The following RBM28 variants were observed in gnomAD, a reference collection of about 807,000 sequenced individuals.
The protein encoded by RBM28 is RNA-binding protein 28.
Under a neutral mutation model 98.3 loss-of-function variants are expected in RBM28, and 78 were observed. The ratio of observed to expected loss-of-function variants is 0.79; its 90% CI spans 0.66 to 0.96. The LOEUF is 0.96. Ranked by LOEUF, RBM28 falls within the 40% of genes least tolerant of loss-of-function variation. The probability of loss-of-function intolerance (pLI) is 0.00; values close to 1 mark genes in which losing one functional copy is unlikely to be tolerated. For missense variants in RBM28, 838 were observed against 913.0 expected (o/e 0.92, Z 1.06); for synonymous variants, 306 against 330.9 (o/e 0.92, Z 0.82).
rs1244326083 is a variant in RBM28 at position 128,310,768 on chromosome 7, C to G, written c.*29G>C. 6.2e-7 allele frequency: 1 copy of G among 1,612,930 alleles called. No individual in the cohort carries two copies. Among genetic ancestry groups the G allele is most frequent in the African/African-American group, 1.3e-5 (1 of 74,906 alleles). On this transcript the variant is annotated 3_prime_UTR_variant, in exon 19 of 19. Coordinates refer to ENST00000223073, the MANE Select transcript of RBM28 (RefSeq NM_018077.3). ...GGAGTGTCACCAGAAAGTACACAACCCAGCTTCTTACCCAGCCTGCTGCCA... is the reference window on the plus strand; with the variant it reads ...GGAGTGTCACCAGAAAGTACACAACGCAGCTTCTTACCCAGCCTGCTGCCA...
rs1795769573 is a variant in RBM28, at chr7:128,300,592, C to T, written c.*10205G>A. 3 of 152,348 alleles carry T rather than the reference C, an allele frequency of 2.0e-5. No individual in the cohort carries two copies. The South Asian group carries it at 6.2e-4, about 32-fold the overall frequency. The allele number at this position is 152,348 out of a possible 1,614,324, so 9.4% of individuals were successfully genotyped here. A position where few individuals can be genotyped will look rare whatever the true frequency, so the allele number is the denominator to read the frequency against. On this transcript the variant is annotated 3_prime_UTR_variant, in exon 19 of 19. Coordinates refer to ENST00000223073, the MANE Select transcript of RBM28 (RefSeq NM_018077.3). ...CTGACCTTGTGGTGAGGATCAAAGA[C>T]GTTAATGCCCACTAAACGCTTTCTA...
intron 4 of RBM28, 132 bp from the exon 5 acceptor site, chr7:128,338,474 C>A (rs747909433): frequency 5.1e-6 from 4 of 790,648 alleles, no homozygotes; most frequent in Non-Finnish European, 8.8e-6. Flanking sequence ...TTCCCCAAAG[C>A]AATTGCTTAC....
rs1410768252 is a variant in RBM28, at chr7:128,335,896, C to T, written c.760G>A (p.Glu254Lys). The change falls in exon 7 of 19, where the codon GAA (glutamate) becomes AAA (lysine). Residue 254 changes from glutamate to lysine, a missense_variant. Physicochemically the swap from Glu to Lys is moderately conservative, Grantham distance 56 (BLOSUM62 1). Transcript: ENST00000223073. ...DGVFDDEDEE[E>K]ENIESKVTKP... ...GTCACCTTTGATTCTATATTCTCTTCCTCTTCATCTTCATCATCAAAAACC... is the reference window on the plus strand; with the variant it reads ...GTCACCTTTGATTCTATATTCTCTTTCTCTTCATCTTCATCATCAAAAACC... 1.9e-6 allele frequency: 3 copies of T among 1,613,618 alleles called. No individual in the cohort carries two copies. Among genetic ancestry groups the T allele is most frequent in the South Asian group, 1.1e-5 (1 of 91,072 alleles).
At chr7:128,334,820 T>C (rs1056984107) in intron 8 of RBM28, among the ~76,000 whole-genome samples, 8 of 152,204 alleles carry the variant, frequency 5.3e-5, no homozygotes, top group African/African-American at 1.9e-4. Context: ...TGAGGCTAGC[T>C]AAATGAGGTC....
In RBM28 at chr7:128,321,994, G is replaced by C. The variant is rs181687663; in HGVS notation, c.1405-570C>G. Among the ~76,000 whole-genome samples the C allele has an allele frequency of 2.8e-3, 426 of 151,256 alleles. 2 individuals are homozygous for C. The highest frequency in any genetic ancestry group is 9.6e-3 in the African/African-American group (394 of 41,150). ...ACCTGGGAGCCGGAGGTTGTGGTGA[G>C]CCAGGATCGTGCCATTGCACTCCAG... is the stretch of plus-strand genomic sequence containing the variant. On this transcript the variant is annotated intron_variant, in intron 13 of 18. Transcript: ENST00000223073.
In RBM28 at chr7:128,314,622, G is replaced by A. The variant is rs952407827; in HGVS notation, c.2045+142C>T. 15 of 1,382,706 alleles carry A rather than the reference G, an allele frequency of 1.1e-5. No individual in the cohort carries two copies. In the Admixed American group the frequency reaches 1.4e-4, roughly 13 times the overall value. 85.7% of individuals were successfully genotyped at this position (1,382,706 alleles called of 1,614,324 possible). A position where few individuals can be genotyped will look rare whatever the true frequency, so the allele number is the denominator to read the frequency against. ...ATCTCTGATGGTGTTGAAGACTCGCGTGTTAACCCCATGTGTGGGAATACA... is the reference window on the plus strand; with the variant it reads ...ATCTCTGATGGTGTTGAAGACTCGCATGTTAACCCCATGTGTGGGAATACA... On this transcript the variant is annotated intron_variant, in intron 17 of 18. Coordinates refer to ENST00000223073, the MANE Select transcript of RBM28 (RefSeq NM_018077.3).
At chr7:128,330,981 C>A in intron 9 of RBM28, 53 bp from the exon 10 acceptor site, 1 of 1,201,082 alleles carries the variant, frequency 8.3e-7, no homozygotes, top group East Asian at 2.3e-5. Context: ...TAAGTGAGAT[C>A]CTATGTTCCA....
intron 18 of RBM28, among the ~76,000 whole-genome samples, chr7:128,311,588 CAT>C (rs1197383751): frequency 6.6e-6 from 1 of 152,166 alleles, no homozygotes; most frequent in Non-Finnish European, 1.5e-5. Context: ...AAATACGCCA[CAT>C]CAGAAAGACT....
intron 8 of RBM28, among the ~76,000 whole-genome samples, chr7:128,335,119 T>C (rs1796568557): frequency 6.6e-6 from 1 of 152,250 alleles, no homozygotes; most frequent in Non-Finnish European, 1.5e-5. Context: ...ACTAAACAGT[T>C]CTTTATCCCC....
chr7:128,320,095 T>C (rs1228728377), intron 14 of RBM28, among the ~76,000 whole-genome samples: 1 of 151,524 alleles, frequency 6.6e-6, no homozygotes, highest in African/African-American at 2.4e-5. Flanking sequence ...TGCATGCCTG[T>C]AGTCCCAGCT....
rs1166279228 is a variant in RBM28 at position 128,308,357 on chromosome 7, T to C, written c.*2440A>G. 6.6e-6 allele frequency: 1 copy of C among 152,188 alleles called. No homozygotes were observed. The allele number at this position is 152,188 out of a possible 1,614,324, so 9.4% of individuals were successfully genotyped here. A position where few individuals can be genotyped will look rare whatever the true frequency, so the allele number is the denominator to read the frequency against. On this transcript the variant is annotated 3_prime_UTR_variant, in exon 19 of 19. Coordinates refer to ENST00000223073, the MANE Select transcript of RBM28 (RefSeq NM_018077.3). ...AAGATATATTTTTGAATGTTAAAGATATTCGTGTACTAGGGAAAAAAGAGT... is the reference window on the plus strand; with the variant it reads ...AAGATATATTTTTGAATGTTAAAGACATTCGTGTACTAGGGAAAAAAGAGT...
intron 13 of RBM28, 100 bp from the exon 14 acceptor site, chr7:128,321,524 C>T: frequency 6.9e-7 from 1 of 1,448,508 alleles, no homozygotes; most frequent in Non-Finnish European, 9.6e-7. Flanking sequence ...ATCCCATAAC[C>T]ACACATATAG....
At chr7:128,329,685 A>G (rs543170146) in intron 10 of RBM28, among the ~76,000 whole-genome samples, 5 of 152,226 alleles carry the variant, frequency 3.3e-5, no homozygotes, top group African/African-American at 1.2e-4. Context: ...GGAGTTGGAG[A>G]CCATCCTGGC....
At position 128,301,714 on chromosome 7, in the gene RBM28, T is replaced by C. The variant is rs2116296164; in HGVS notation, c.*9083A>G. The stretch of plus-strand genomic sequence containing the variant: ...CTGTGGCAGGCACCTGGGAGCCCAC[T>C]TGGCGGGCCTTGCCCTGGCCCAGAC... On this transcript the variant is annotated 3_prime_UTR_variant, in exon 19 of 19. Coordinates refer to ENST00000223073, the MANE Select transcript of RBM28 (RefSeq NM_018077.3). 1 of 152,540 alleles carries C rather than the reference T, an allele frequency of 6.6e-6. No homozygotes were observed. The highest frequency in any genetic ancestry group is 3.3e-3 in the Middle Eastern group (1 of 300). 9.4% of individuals were successfully genotyped at this position (152,540 alleles called of 1,614,324 possible). A position where few individuals can be genotyped will look rare whatever the true frequency, so the allele number is the denominator to read the frequency against.
chr7:128,321,140 T>C, intron 14 of RBM28, 126 bp downstream of exon 14: 1 of 1,335,312 alleles, frequency 7.5e-7, no homozygotes, highest in South Asian at 1.2e-5. Flanking sequence ...CACTACAGCC[T>C]GGGCAACAGA....
chr7:128,313,973 T>G (rs927164614), intron 17 of RBM28, among the ~76,000 whole-genome samples: 1 of 152,116 alleles, frequency 6.6e-6, no homozygotes, highest in South Asian at 2.1e-4. Flanking sequence ...CTTTTCTTTT[T>G]TTTTTTTGAG....
rs1796577144 is a variant in RBM28 at position 128,335,536 on chromosome 7, A to G, written c.946+7T>C. On this transcript the variant is annotated splice_region_variant and intron_variant, in intron 8 of 18. Coordinates refer to ENST00000223073, the MANE Select transcript of RBM28 (RefSeq NM_018077.3). ...GTCTAAAGACATTTATGAAAATCCA[A>G]ACAAACCTTTATCCTCTTGCTCCTC... The G allele has an allele frequency of 1.9e-6, 3 of 1,614,180 alleles. No individual in the cohort carries two copies. Among genetic ancestry groups the G allele is most frequent in the Non-Finnish European group, 2.5e-6 (3 of 1,180,034 alleles).
At chr7:128,312,066 T>C (rs1308117800) in intron 18 of RBM28, among the ~76,000 whole-genome samples, 2 of 149,970 alleles carry the variant, frequency 1.3e-5, no homozygotes, top group African/African-American at 4.8e-5. Context: ...CCAGGTAGTA[T>C]GTGCCTCAGG....
chr7:128,323,499 C>T lies in RBM28; in HGVS notation c.1404+28G>A, dbSNP rs562845415. On this transcript the variant is annotated intron_variant, in intron 13 of 18. Coordinates refer to ENST00000223073, the MANE Select transcript of RBM28 (RefSeq NM_018077.3). ...TGATTGATTTATAGGCCACGCAGAACGTGAAGGTCAATGCCTAATCTACTC... is the reference window on the plus strand; with the variant it reads ...TGATTGATTTATAGGCCACGCAGAATGTGAAGGTCAATGCCTAATCTACTC... The T allele has an allele frequency of 5.6e-6, 9 of 1,613,386 alleles. No individual in the cohort carries two copies. The Middle Eastern group carries it at 8.2e-4, about 148-fold the overall frequency.
Sources: allele counts gnomAD v4.1 joint callset (sites outside exome capture counted in the v4.1 genomes callset), GRCh38; gene constraint gnomAD v4.1.1; transcripts MANE v1.5; gene names NCBI Gene and HGNC (gene_info 2026-07-23, HGNC 2026-07-21).